DLGAP2: variants seen among roughly 807,000 people sequenced by gnomAD.
DLGAP2 encodes the protein DLG associated protein 2.
DLGAP2 carries 26 observed loss-of-function variants against 100.3 expected under a neutral mutation model. That is an observed-to-expected ratio of 0.26 (90% CI 0.19 to 0.36). The LOEUF (loss-of-function observed/expected upper bound fraction) is 0.36, where lower values mean the gene tolerates loss of function less well. DLGAP2 is among the 10% of genes least tolerant of loss of function. The pLI, the probability that DLGAP2 is intolerant of heterozygous loss-of-function variation, is 1.00. For missense variants in DLGAP2, 1,858 were observed against 1,453.2 expected (o/e 1.28, Z -4.53); for synonymous variants, 886 against 630.1 (o/e 1.41, Z -6.08).
Position 1,364,572 on chromosome 8 carries a change from C to T in DLGAP2, c.106+105689C>T, listed in dbSNP as rs185888256. Among the ~76,000 whole-genome samples, 30 of 152,330 alleles carry T rather than the reference C, an allele frequency of 2.0e-4. No homozygotes were observed. The East Asian group carries it at 5.6e-3, about 28-fold the overall frequency. On this transcript the variant is annotated intron_variant, in intron 3 of 14. Coordinates refer to ENST00000637795, the MANE Select transcript of DLGAP2 (RefSeq NM_001346810.2). The stretch of plus-strand genomic sequence containing the variant: ...GGCTGGCGGGAAGCGTCTCTCAACT[C>T]CATTCCCTCATCTTCGCAGCAGGGG...
intron 3 of DLGAP2, among the ~76,000 whole-genome samples, chr8:1,497,969 C>G (rs575091755): frequency 6.6e-6 from 1 of 152,192 alleles, no homozygotes; most frequent in African/African-American, 2.4e-5. Context: ...CCAGTGTGGT[C>G]AAGATACAGC....
At chr8:1,321,185 C>G (rs1299095507) in intron 3 of DLGAP2, among the ~76,000 whole-genome samples, 1 of 151,706 alleles carries the variant, frequency 6.6e-6, no homozygotes, top group Non-Finnish European at 1.5e-5. Context: ...CCATGTGTCT[C>G]TACGTGTGCA....
At chr8:1,180,955 GCT>G (rs1797374630) in intron 2 of DLGAP2, among the ~76,000 whole-genome samples, 1 of 100,182 alleles carries the variant, frequency 1.0e-5, no homozygotes, top group Non-Finnish European at 2.0e-5. Flanking sequence ...AGTGTGGGTG[GCT>G]GTGCAAGGGC....
chr8:1,298,640 G>T (rs568117172), intron 3 of DLGAP2, among the ~76,000 whole-genome samples: 3 of 152,108 alleles, frequency 2.0e-5, no homozygotes, highest in Non-Finnish European at 4.4e-5. Flanking sequence ...CGCTGAGCGT[G>T]TGGGACGGCT....
chr8:1,664,261 C>G (rs569332842), intron 8 of DLGAP2, among the ~76,000 whole-genome samples: 1 of 152,158 alleles, frequency 6.6e-6, no homozygotes, highest in African/African-American at 2.4e-5. Flanking sequence ...GCCACGTCTA[C>G]TAGCCCTTCC....
intron 2 of DLGAP2, among the ~76,000 whole-genome samples, chr8:1,028,321 G>C (rs1406829268): frequency 8.3e-5 from 11 of 133,304 alleles, no homozygotes; most frequent in East Asian, 5.5e-4. Context: ...TCAGGCGCCC[G>C]TTATTCTCCA....
chr8:970,339 A>T (rs528540561), intron 2 of DLGAP2, among the ~76,000 whole-genome samples: 86 of 152,314 alleles, frequency 5.6e-4, no homozygotes, highest in African/African-American at 2.0e-3. Flanking sequence ...TTTATTTTTA[A>T]AAAATTGTGT....
intron 2 of DLGAP2, among the ~76,000 whole-genome samples, chr8:1,191,565 A>T (rs1465865474): frequency 6.6e-6 from 1 of 152,162 alleles, no homozygotes; most frequent in East Asian, 1.9e-4. Flanking sequence ...TAATTCTGAA[A>T]ATCCGCCCTC....
chr8:1,283,269 C>G (rs1172860771), intron 3 of DLGAP2, among the ~76,000 whole-genome samples: 1 of 151,544 alleles, frequency 6.6e-6, no homozygotes, highest in Non-Finnish European at 1.5e-5. Context: ...GCGCCCTGAA[C>G]CATCCGGACG....
At chr8:1,083,515 G>A (rs547599724) in intron 2 of DLGAP2, among the ~76,000 whole-genome samples, 8 of 152,302 alleles carry the variant, frequency 5.3e-5, no homozygotes, top group African/African-American at 1.9e-4. Flanking sequence ...AGCATTTTGA[G>A]CTGAGCTTAT....
At chr8:1,054,251 TACACACACGC>T (rs1012488634) in intron 2 of DLGAP2, among the ~76,000 whole-genome samples, 1 of 151,660 alleles carries the variant, frequency 6.6e-6, no homozygotes. Flanking sequence ...TACACACACG[TACACACACGC>T]ACACACACGG....
chr8:1,628,292 G>T (rs533893819), intron 7 of DLGAP2, among the ~76,000 whole-genome samples: 1 of 146,070 alleles, frequency 6.8e-6, no homozygotes, highest in East Asian at 2.0e-4. Flanking sequence ...CTGACTTACT[G>T]TGGAGCAGGA....
intron 2 of DLGAP2, among the ~76,000 whole-genome samples, chr8:1,184,303 G>A (rs149425940): frequency 0.011 from 1,666 of 152,374 alleles, 7 homozygotes; most frequent in Middle Eastern, 0.024. Flanking sequence ...TGGTGAAAGT[G>A]TACACAGGTG....
chr8:1,467,806 G>A (rs1262838842), intron 3 of DLGAP2, among the ~76,000 whole-genome samples: 1 of 152,158 alleles, frequency 6.6e-6, no homozygotes, highest in Non-Finnish European at 1.5e-5. Context: ...AGTGCCTTGG[G>A]GTCCTGCGCC....
At chr8:1,669,357 A>C (rs2130840215) in intron 9 of DLGAP2, among the ~76,000 whole-genome samples, 1 of 151,834 alleles carries the variant, frequency 6.6e-6, no homozygotes, top group Admixed American at 6.5e-5. Flanking sequence ...CCCACGCTGC[A>C]CCTCCCTCTG....
chr8:762,656 G>A (rs1230606654), intron 1 of DLGAP2, among the ~76,000 whole-genome samples: 1 of 151,990 alleles, frequency 6.6e-6, no homozygotes, highest in African/African-American at 2.4e-5. Flanking sequence ...TACATTTAAA[G>A]GAAGAAGGTG....
chr8:745,134 C>T (rs569255847), intron 1 of DLGAP2, among the ~76,000 whole-genome samples: 2 of 152,342 alleles, frequency 1.3e-5, no homozygotes, highest in Admixed American at 6.5e-5. Context: ...ACAAGCACAG[C>T]GGCAGGTTCT....
At chr8:1,427,805 T>A (rs1327959959) in intron 3 of DLGAP2, among the ~76,000 whole-genome samples, 1 of 152,206 alleles carries the variant, frequency 6.6e-6, no homozygotes, top group Non-Finnish European at 1.5e-5. Context: ...GTCCAATAAG[T>A]CTCTTTCTTT....
At chr8:1,022,484 C>T (rs1801654783) in intron 2 of DLGAP2, among the ~76,000 whole-genome samples, 1 of 149,578 alleles carries the variant, frequency 6.7e-6, no homozygotes, top group Non-Finnish European at 1.5e-5. Context: ...TCCATCCTCC[C>T]TGGGATTGGA....
Sources: allele counts gnomAD v4.1 joint callset (sites outside exome capture counted in the v4.1 genomes callset), GRCh38; gene constraint gnomAD v4.1.1; transcripts MANE v1.5; gene names NCBI Gene and HGNC (gene_info 2026-07-23, HGNC 2026-07-21).